Variants in APBA2 observed in about 807,000 individuals in gnomAD.
APBA2 encodes the protein amyloid beta precursor protein binding family A member 2.
Under a neutral mutation model 75.0 loss-of-function variants are expected in APBA2, and 30 were observed. The ratio of observed to expected loss-of-function variants is 0.40; its 90% CI spans 0.30 to 0.54. The LOEUF is 0.54. Ranked by LOEUF, APBA2 falls within the 20% of genes least tolerant of loss-of-function variation. The pLI is 0.49. For synonymous variants in APBA2, 444 were observed against 409.6 expected (o/e 1.08, Z -1.01); for missense variants, 801 against 1,016.1 (o/e 0.79, Z 2.88).
intron 3 of APBA2, among the ~76,000 whole-genome samples, chr15:29,001,977 T>C (rs1994597): frequency 0.27 from 40,368 of 152,092 alleles, 8,467 homozygotes; most frequent in African/African-American, 0.57. Context: ...GTGTGCAAGC[T>C]GGCATTCTCA....
chr15:28,998,314 A>G (rs1309116157), intron 3 of APBA2, among the ~76,000 whole-genome samples: 1 of 151,800 alleles, frequency 6.6e-6, no homozygotes, highest in African/African-American at 2.4e-5. Flanking sequence ...AAAATCAGCG[A>G]TTATCCTGAA....
At chr15:29,098,795 G>C (rs938310956) in intron 9 of APBA2, among the ~76,000 whole-genome samples, 1 of 152,122 alleles carries the variant, frequency 6.6e-6, no homozygotes, top group Non-Finnish European at 1.5e-5. Context: ...GGAGGTAGGT[G>C]GGAAGACCTG....
At chr15:29,116,627 C>CAAAA (rs531479741) in intron 14 of APBA2, among the ~76,000 whole-genome samples, 1 of 116,756 alleles carries the variant, frequency 8.6e-6, no homozygotes, top group Non-Finnish European at 1.9e-5. Flanking sequence ...GACTCCGTCT[C>CAAAA]AAAAAAAAAA....
At chr15:28,911,492 G>C (rs2152650627) in intron 1 of APBA2, among the ~76,000 whole-genome samples, 1 of 152,320 alleles carries the variant, frequency 6.6e-6, no homozygotes, top group Non-Finnish European at 1.5e-5. Flanking sequence ...ACCCACCGCT[G>C]CTCTTCAGGG....
At chr15:29,051,123 CTT>C (rs2041574330) in intron 3 of APBA2, among the ~76,000 whole-genome samples, 1 of 152,170 alleles carries the variant, frequency 6.6e-6, no homozygotes, top group Non-Finnish European at 1.5e-5. Context: ...CAGCCTCTCT[CTT>C]GTGGCTGGCT....
intron 3 of APBA2, among the ~76,000 whole-genome samples, chr15:29,013,406 A>G (rs1221517723): frequency 6.6e-6 from 1 of 151,510 alleles, no homozygotes; most frequent in Non-Finnish European, 1.5e-5. Context: ...CAGCCTCCCA[A>G]GTAGCTGGGA....
At chr15:28,984,337 CA>C (rs1334013149) in intron 2 of APBA2, among the ~76,000 whole-genome samples, 1 of 152,022 alleles carries the variant, frequency 6.6e-6, no homozygotes, top group East Asian at 1.9e-4. Flanking sequence ...TCATTTATGC[CA>C]CGTAGCAACC....
chr15:28,968,975 CA>C lies in APBA2; in HGVS notation c.-94-26773del, dbSNP rs559440151. 3.0e-3 allele frequency among the ~76,000 whole-genome samples: 448 copies of C among 151,778 alleles called. 5 individuals are homozygous for C. The highest frequency in any genetic ancestry group is 0.011 in the African/African-American group (438 of 41,364). ...TTTTTCTGGAGGTAATCATGGTTGT[CA>C]AAAAGTCTTAAGGGTCAGCCACAGT... On this transcript the variant is annotated intron_variant, in intron 2 of 14. Transcript: ENST00000683413.
At chr15:29,098,425 C>A in intron 8 of APBA2, 65 bp from the exon 9 acceptor site, 7 of 1,095,544 alleles carry the variant, frequency 6.4e-6, no homozygotes, top group Non-Finnish European at 9.9e-6. Context: ...TGTCATAATG[C>A]TATTTGCATG....
intron 2 of APBA2, among the ~76,000 whole-genome samples, chr15:28,939,522 T>C (rs1025631155): frequency 1.8e-4 from 27 of 152,228 alleles, no homozygotes; most frequent in Admixed American, 7.9e-4. Context: ...CCAGCACTTG[T>C]GTTTTCATTT....
At chr15:28,945,719 T>C (rs1470734866) in intron 2 of APBA2, among the ~76,000 whole-genome samples, 1 of 152,094 alleles carries the variant, frequency 6.6e-6, no homozygotes, top group African/African-American at 2.4e-5. Context: ...GGTTTTAACA[T>C]GTTAGCCAGG....
intron 14 of APBA2, among the ~76,000 whole-genome samples, chr15:29,115,004 G>T (rs2045002357): frequency 6.6e-6 from 1 of 151,744 alleles, no homozygotes; most frequent in Non-Finnish European, 1.5e-5. Context: ...GAGTGGGTGT[G>T]TCTGTGTGTG....
Position 29,074,926 on chromosome 15 carries a change from C to T in APBA2, c.957C>T (p.Cys319=). Residue 319 remains cysteine, a synonymous_variant, in exon 5 of 15, where the codon TGC becomes TGT. Transcript: ENST00000683413. The part of the protein sequence containing the change: ...ERLKWPHEQV[C]NGLEQPRKQQ... The stretch of plus-strand genomic sequence containing the variant: ...TTTAACTTCCCCGTTTCCAGGTTTG[C>T]AATGGTCTGGAGCAGCCAAGGAAGC... 1 of 1,614,056 alleles carries T rather than the reference C, an allele frequency of 6.2e-7. No individual in the cohort carries two copies. The highest frequency in any genetic ancestry group is 8.5e-7 in the Non-Finnish European group (1 of 1,179,970).
Position 29,032,178 on chromosome 15 carries a change from A to G in APBA2, c.-40-21667A>G, listed in dbSNP as rs577130448. 1.5e-4 allele frequency among the ~76,000 whole-genome samples: 23 copies of G among 152,342 alleles called. No homozygotes were observed. In the South Asian group the frequency reaches 4.8e-3, roughly 32 times the overall value. Reference sequence around the variant, plus strand: ...GAGGCAGAGTCATTCCTGTGTAGTCATGATGGTTAGTTTTGTGTGTTAACT... The same window carrying G: ...GAGGCAGAGTCATTCCTGTGTAGTCGTGATGGTTAGTTTTGTGTGTTAACT... On this transcript the variant is annotated intron_variant, in intron 3 of 14. Transcript: ENST00000683413.
chr15:29,039,881 A>G (rs2040948409), intron 3 of APBA2, among the ~76,000 whole-genome samples: 1 of 152,212 alleles, frequency 6.6e-6, no homozygotes, highest in South Asian at 2.1e-4. Flanking sequence ...TCTGAACAGA[A>G]TGAAAAGCAA....
intron 2 of APBA2, among the ~76,000 whole-genome samples, chr15:28,945,155 T>C (rs751799942): frequency 6.6e-6 from 1 of 152,164 alleles, no homozygotes; most frequent in Non-Finnish European, 1.5e-5. Context: ...CTGTCAGGAC[T>C]CTGTGAAAAA....
In APBA2 at chr15:29,113,025, C is replaced by T. The variant is rs564789932; in HGVS notation, c.2038-851C>T. On this transcript the variant is annotated intron_variant, in intron 13 of 14. Transcript: ENST00000683413. Reference sequence around the variant, plus strand: ...GGTCTGTCCGTGTTGTAGCACACTTCAGACTCTCCCTCCTCTCCAGGGCTG... The same window carrying T: ...GGTCTGTCCGTGTTGTAGCACACTTTAGACTCTCCCTCCTCTCCAGGGCTG... 2.0e-5 allele frequency among the ~76,000 whole-genome samples: 3 copies of T among 152,328 alleles called. No individual in the cohort carries two copies. In the South Asian group the frequency reaches 6.2e-4, roughly 32 times the overall value.
intron 4 of APBA2, among the ~76,000 whole-genome samples, chr15:29,071,514 G>T (rs996116772): frequency 6.6e-6 from 1 of 150,998 alleles, no homozygotes. Flanking sequence ...GAGTTGAGGC[G>T]ACCCTGGCTG....
intron 1 of APBA2, among the ~76,000 whole-genome samples, chr15:28,896,361 G>A (rs1465172986): frequency 4.6e-5 from 7 of 152,120 alleles, no homozygotes; most frequent in African/African-American, 1.7e-4. Context: ...CTCACTGCAA[G>A]CTCCGCCTCC....
Sources: allele counts gnomAD v4.1 joint callset (sites outside exome capture counted in the v4.1 genomes callset), GRCh38; gene constraint gnomAD v4.1.1; transcripts MANE v1.5; gene names NCBI Gene and HGNC (gene_info 2026-07-23, HGNC 2026-07-21).